The following DCC variants were observed in gnomAD, a reference collection of about 807,000 sequenced individuals.
DCC encodes the protein netrin receptor DCC.
Under a neutral mutation model 172.5 loss-of-function variants are expected in DCC, and 58 were observed. The ratio of observed to expected loss-of-function variants is 0.34; its 90% confidence interval spans 0.27 to 0.42. DCC has a LOEUF of 0.42. Ranked by LOEUF, DCC falls within the 10% of genes least tolerant of loss-of-function variation. The probability of loss-of-function intolerance (pLI) is 1.00; values close to 1 mark genes in which losing one functional copy is unlikely to be tolerated. For missense variants in DCC, 1,740 were observed against 1,791.0 expected, an observed-to-expected ratio of 0.97 and a Z score of 0.51; for synonymous variants, 709 against 644.5, an observed-to-expected ratio of 1.10 and a Z score of -1.52.
At chr18:52,851,344 G>T (rs151313090) in intron 2 of DCC, among the ~76,000 whole-genome samples, 31 of 152,154 alleles carry the variant, frequency 2.0e-4, no homozygotes, top group African/African-American at 7.0e-4. Flanking sequence ...CCAGAAAATA[G>T]TTTGTCATAA....
chr18:53,241,901 C>T (rs2056300121), intron 12 of DCC, among the ~76,000 whole-genome samples: 1 of 152,072 alleles, frequency 6.6e-6, no homozygotes, highest in South Asian at 2.1e-4. Flanking sequence ...GAAGGTAGTC[C>T]TATAGATCTC....
At chr18:52,831,709 T>C (rs1185489085) in intron 2 of DCC, among the ~76,000 whole-genome samples, 3 of 152,118 alleles carry the variant, frequency 2.0e-5, no homozygotes, top group South Asian at 2.1e-4. Context: ...GATCTATCCA[T>C]AGTTTTGCCT....
At chr18:53,331,539 C>T (rs923490866) in intron 14 of DCC, among the ~76,000 whole-genome samples, 4 of 152,106 alleles carry the variant, frequency 2.6e-5, no homozygotes, top group Non-Finnish European at 2.9e-5. Context: ...TGCAGCTGCT[C>T]CTTGAAAGCC....
At chr18:52,869,049 G>A (rs775223088) in intron 2 of DCC, among the ~76,000 whole-genome samples, 9 of 152,250 alleles carry the variant, frequency 5.9e-5, no homozygotes, top group Non-Finnish European at 8.8e-5. Flanking sequence ...GGCTCTTGAA[G>A]CTCCCAGGTC....
intron 1 of DCC, among the ~76,000 whole-genome samples, chr18:52,572,830 A>G (rs1246912237): frequency 1.3e-5 from 2 of 152,340 alleles, no homozygotes; most frequent in Middle Eastern, 3.4e-3. Context: ...AATAATCCCT[A>G]TTCCCTCAGG....
At position 53,432,489 on chromosome 18, in the gene DCC, T is replaced by G. The variant is rs146723230; in HGVS notation, c.3164-2655T>G. Among the ~76,000 whole-genome samples, 1,400 of 152,312 alleles carry G rather than the reference T, an allele frequency of 9.2e-3. 13 individuals carry two copies. Among genetic ancestry groups the G allele is most frequent in the South Asian group, 0.032 (154 of 4,826 alleles). ...AGGGAAGTATTTTATATCTTTGCAT[T>G]AGCTGACTTTCACTCCAGCTGTTTT... On this transcript the variant is annotated intron_variant, in intron 21 of 28. Coordinates refer to ENST00000442544, the MANE Select transcript of DCC (RefSeq NM_005215.4).
At chr18:52,667,706 A>G (rs2035480204) in intron 1 of DCC, among the ~76,000 whole-genome samples, 2 of 152,196 alleles carry the variant, frequency 1.3e-5, no homozygotes, top group South Asian at 4.1e-4. Flanking sequence ...AGGCTTACCA[A>G]CTGCTTCCCC....
chr18:53,008,387 CTT>C (rs2041676725), intron 5 of DCC, among the ~76,000 whole-genome samples: 1 of 152,022 alleles, frequency 6.6e-6, no homozygotes. Flanking sequence ...GAAACTGAAA[CTT>C]TTAAACATTT....
intron 5 of DCC, among the ~76,000 whole-genome samples, chr18:53,002,976 C>G (rs1021762437): frequency 6.6e-6 from 1 of 151,994 alleles, no homozygotes; most frequent in Non-Finnish European, 1.5e-5. Context: ...CCTGTCAAGA[C>G]TGCTTGAAAA....
At position 53,257,278 on chromosome 18, in the gene DCC, C is replaced by T. The variant is rs558945333; in HGVS notation, c.1911+41681C>T. On this transcript the variant is annotated intron_variant, in intron 12 of 28. Coordinates refer to ENST00000442544, the MANE Select transcript of DCC (RefSeq NM_005215.4). ...AATAGGAGTGGTGAGAGAGGGCATC[C>T]GTGTCTTGTGCCAGTTTTCAAAGGG... 6.4e-3 allele frequency among the ~76,000 whole-genome samples: 976 copies of T among 152,224 alleles called. 8 individuals carry two copies. The highest frequency in any genetic ancestry group is 0.01 in the Non-Finnish European group (700 of 68,018).
At chr18:52,872,193 G>T (rs2039330726) in intron 2 of DCC, among the ~76,000 whole-genome samples, 1 of 152,156 alleles carries the variant, frequency 6.6e-6, no homozygotes, top group African/African-American at 2.4e-5. Context: ...CAATCTTGAG[G>T]TTACAGAAAG....
rs1421368183 is a variant in DCC, at chr18:53,295,892, C to A, written c.1912-9686C>A. Reference sequence around the variant, plus strand: ...CATTCAATAATTCACCAAATCCTGTCAAGTCTACCTCCAAAAATATATATG... The same window carrying A: ...CATTCAATAATTCACCAAATCCTGTAAAGTCTACCTCCAAAAATATATATG... On this transcript the variant is annotated intron_variant, in intron 12 of 28. Coordinates refer to ENST00000442544, the MANE Select transcript of DCC (RefSeq NM_005215.4). Among the ~76,000 whole-genome samples the A allele has an allele frequency of 2.0e-5, 3 of 152,278 alleles. No individual in the cohort carries two copies. The East Asian group carries it at 5.8e-4, about 29-fold the overall frequency.
intron 1 of DCC, among the ~76,000 whole-genome samples, chr18:52,432,200 C>T (rs1311562854): frequency 2.0e-5 from 3 of 152,086 alleles, no homozygotes; most frequent in Admixed American, 6.6e-5. Flanking sequence ...CCGTGTTGCA[C>T]GTGTCTTGTT....
At chr18:52,921,635 G>T (rs1178668947) in intron 3 of DCC, among the ~76,000 whole-genome samples, 5 of 151,814 alleles carry the variant, frequency 3.3e-5, no homozygotes, top group Admixed American at 6.6e-5. Flanking sequence ...GGAGGTGGAG[G>T]TTGCAGTGAG....
In DCC at chr18:53,402,401, A is replaced by AAAAT. The variant is rs1328352289; in HGVS notation, c.2828-370_2828-367dup. On this transcript the variant is annotated intron_variant, in intron 18 of 28. Transcript: ENST00000442544. The stretch of plus-strand genomic sequence containing the variant: ...CAAGACCCTGTCTCAAAAAAAAAAA[A>AAAAT]AAATAAATAAATAAATAATAAACTA... 2.1e-4 allele frequency among the ~76,000 whole-genome samples: 30 copies of AAAAT among 144,740 alleles called. 1 individual carries two copies. The highest frequency in any genetic ancestry group is 8.9e-4 in the South Asian group (4 of 4,508). 95.0% of individuals were successfully genotyped at this position (144,740 alleles called of 152,430 possible).
intron 2 of DCC, among the ~76,000 whole-genome samples, chr18:52,785,533 T>G (rs1012290645): frequency 2.6e-5 from 4 of 151,944 alleles, no homozygotes; most frequent in Non-Finnish European, 5.9e-5. Context: ...AGGGGTATCA[T>G]GTGGGGAAAA....
intron 1 of DCC, among the ~76,000 whole-genome samples, chr18:52,695,218 C>A (rs2035994080): frequency 6.6e-6 from 1 of 152,156 alleles, no homozygotes; most frequent in South Asian, 2.1e-4. Flanking sequence ...CTCCATGGGC[C>A]TCAATTTCTT....
chr18:52,869,148 C>A (rs1168955701), intron 2 of DCC, among the ~76,000 whole-genome samples: 3 of 152,242 alleles, frequency 2.0e-5, no homozygotes, highest in Non-Finnish European at 2.9e-5. Context: ...AGTGTTATAG[C>A]TCTTTTAGCC....
intron 25 of DCC, among the ~76,000 whole-genome samples, chr18:53,473,557 A>C (rs972929717): frequency 6.6e-6 from 1 of 152,158 alleles, no homozygotes; most frequent in African/African-American, 2.4e-5. Flanking sequence ...AGAAAATCTA[A>C]CAAGTATGAA....
Sources: allele counts gnomAD v4.1 joint callset (sites outside exome capture counted in the v4.1 genomes callset), GRCh38; gene constraint gnomAD v4.1.1; transcripts MANE v1.5; gene names NCBI Gene and HGNC (gene_info 2026-07-23, HGNC 2026-07-21).